The following GPHN variants were observed in gnomAD, a reference collection of about 807,000 sequenced individuals.
GPHN encodes the protein gephyrin.
A neutral mutation model predicts 95.5 loss-of-function variants in GPHN; 17 were observed. That is an observed-to-expected ratio of 0.18 (90% CI 0.12 to 0.27). GPHN has a LOEUF of 0.27. Among genes scored for constraint, GPHN ranks in the 10% least tolerant of loss-of-function variants. The probability of loss-of-function intolerance (pLI) is 1.00; values close to 1 mark genes in which losing one functional copy is unlikely to be tolerated. For missense variants in GPHN, 660 were observed against 978.1 expected, an observed-to-expected ratio of 0.67 and a Z score of 4.34; for synonymous variants, 320 against 322.5, an observed-to-expected ratio of 0.99 and a Z score of 0.08.
chr14:66,587,390 A>T (rs1324020092), intron 1 of GPHN, among the ~76,000 whole-genome samples: 1 of 152,228 alleles, frequency 6.6e-6, no homozygotes, highest in Non-Finnish European at 1.5e-5. Context: ...AGAGGCCTGT[A>T]TGACCCTGAT....
chr14:67,463,367 C>T, the GPHN span, among the ~76,000 whole-genome samples: 13 of 151,162 alleles, frequency 8.6e-5, no homozygotes, highest in East Asian at 1.2e-3. Flanking sequence ...GAGCTGGGCG[C>T]GGTGGCTCAC....
chr14:67,052,926 C>T (rs1029020808), intron 10 of GPHN, among the ~76,000 whole-genome samples: 4 of 152,012 alleles, frequency 2.6e-5, no homozygotes, highest in African/African-American at 9.7e-5. Context: ...ATGCCAGAAC[C>T]TCTGGGACGC....
intron 9 of GPHN, among the ~76,000 whole-genome samples, chr14:67,010,195 TAAG>T (rs2072892969): frequency 5.3e-5 from 8 of 152,002 alleles, no homozygotes; most frequent in Admixed American, 5.2e-4. Flanking sequence ...AAAGAAATAA[TAAG>T]GATGGTGAAC....
chr14:66,599,253 A>T (rs560774284), intron 1 of GPHN, among the ~76,000 whole-genome samples: 1 of 152,136 alleles, frequency 6.6e-6, no homozygotes, highest in African/African-American at 2.4e-5. Context: ...AAAAACATGA[A>T]TCCCAAATTT....
At chr14:66,620,564 T>C (rs1566714853) in intron 1 of GPHN, among the ~76,000 whole-genome samples, 1 of 152,244 alleles carries the variant, frequency 6.6e-6, no homozygotes, top group East Asian at 1.9e-4. Flanking sequence ...CCAATAATTC[T>C]GTCACCTCCC....
intron 13 of GPHN, among the ~76,000 whole-genome samples, chr14:67,108,712 G>GGCGTGT (rs5809330): frequency 7.6e-6 from 1 of 131,142 alleles, no homozygotes; most frequent in African/African-American, 2.9e-5. Flanking sequence ...TTCCCTAAGG[G>GGCGTGT]GTGTGTGTGT....
At chr14:67,578,580 A>G in the GPHN span, 1 of 1,612,420 alleles carries the variant, frequency 6.2e-7, no homozygotes, top group Non-Finnish European at 8.5e-7. The surrounding 1 kb of genome is among the most constrained non-coding windows in gnomAD (Gnocchi z 5.0). Context: ...CTGCCTCAGC[A>G]TCACTTCCTC....
At chr14:67,561,898 A>C in the GPHN span, 7 of 1,288,952 alleles carry the variant, frequency 5.4e-6, no homozygotes, top group Admixed American at 1.3e-4. Context: ...AATTGAAAAA[A>C]TACATCTAAA....
the GPHN span, among the ~76,000 whole-genome samples, chr14:67,226,603 C>T: frequency 6.6e-6 from 1 of 152,102 alleles, no homozygotes; most frequent in Non-Finnish European, 1.5e-5. Flanking sequence ...TCAAGTGATC[C>T]GCCCGCCTCA....
intron 9 of GPHN, among the ~76,000 whole-genome samples, chr14:66,987,666 G>T (rs1223718288): frequency 1.3e-5 from 2 of 151,964 alleles, no homozygotes; most frequent in Admixed American, 6.6e-5. Context: ...TGAATCTCTA[G>T]GGGATTTATA....
the GPHN span, among the ~76,000 whole-genome samples, chr14:67,559,196 A>AT: frequency 6.6e-6 from 1 of 151,558 alleles, no homozygotes; most frequent in Non-Finnish European, 1.5e-5. Flanking sequence ...ATTTTGCCTT[A>AT]TTTTTTTGTT....
intron 1 of GPHN, among the ~76,000 whole-genome samples, chr14:66,546,389 A>G (rs1361481166): frequency 2.6e-5 from 4 of 152,102 alleles, no homozygotes; most frequent in Admixed American, 2.0e-4. Context: ...CAGAGGCTGC[A>G]ATCTCGGCAC....
chr14:67,600,242 A>C, the GPHN span: 13 of 1,503,330 alleles, frequency 8.6e-6, no homozygotes, highest in African/African-American at 1.4e-5. Context: ...GCGGCGCTGC[A>C]CTGCGCTCGC....
chr14:67,691,394 A>G, the GPHN span: 2 of 598,018 alleles, frequency 3.3e-6, no homozygotes, highest in Non-Finnish European at 5.9e-6. Flanking sequence ...ATTGTTTTTC[A>G]TTTTAAGACT....
At chr14:67,333,617 C>G in the GPHN span, 1 of 152,598 alleles carries the variant, frequency 6.6e-6, no homozygotes, top group African/African-American at 2.4e-5. Context: ...GGATCAGACT[C>G]TACACTCAAC....
At chr14:66,580,121 C>T (rs2061093213) in intron 1 of GPHN, among the ~76,000 whole-genome samples, 1 of 151,758 alleles carries the variant, frequency 6.6e-6, no homozygotes. Flanking sequence ...TCTCAATAAT[C>T]AGTGGGTCAA....
the GPHN span, chr14:67,224,088 T>C: frequency 6.3e-6 from 5 of 790,742 alleles, no homozygotes; most frequent in Admixed American, 6.3e-5. Context: ...CTCAAATTCA[T>C]CTCTCAAACC....
At chr14:66,534,440 T>G (rs1032656348) in intron 1 of GPHN, among the ~76,000 whole-genome samples, 1 of 152,198 alleles carries the variant, frequency 6.6e-6, no homozygotes, top group Non-Finnish European at 1.5e-5. Flanking sequence ...TTGGTATACC[T>G]TGGTTCTTTT....
chr14:67,076,393 C>G (rs2153660315), intron 11 of GPHN, among the ~76,000 whole-genome samples: 1 of 152,268 alleles, frequency 6.6e-6, no homozygotes, highest in Middle Eastern at 3.4e-3. Flanking sequence ...CTGCAATACT[C>G]AGTTTATTGC....
Sources: gnomAD v4.1 joint callset for allele counts (sites outside exome capture counted in the v4.1 genomes callset) on GRCh38, gnomAD v4.1.1 for gene constraint, Gnocchi (gnomAD v3.1) non-coding constraint, MANE v1.5 for transcripts, NCBI Gene and HGNC (gene_info 2026-07-23, HGNC 2026-07-21) for gene names.